CES5A: variants seen among roughly 807,000 people sequenced by gnomAD.
CES5A encodes carboxylesterase 5.
A neutral mutation model predicts 62.9 loss-of-function variants in CES5A; 67 were observed. The observed-to-expected ratio is 1.07, with a 90% CI of 0.88 to 1.31. The LOEUF (loss-of-function observed/expected upper bound fraction) is 1.31. Ranked by LOEUF, CES5A falls within the 50% of genes most tolerant of loss-of-function variation. CES5A has a pLI of 0.00. For synonymous variants in CES5A, 296 were observed against 280.8 expected (o/e 1.05, Z -0.54); for missense variants, 748 against 708.5 (o/e 1.06, Z -0.63).
chr16:55,879,785 G>T (rs1435323293), upstream of CES5A, among the ~76,000 whole-genome samples: 1 of 152,024 alleles, frequency 6.6e-6, no homozygotes, highest in Admixed American at 6.6e-5. Flanking sequence ...TAGAGATGGA[G>T]TCTCACTATG....
At chr16:55,891,470 G>A (rs917769256) in intron 1 of CES5A, among the ~76,000 whole-genome samples, 1 of 152,228 alleles carries the variant, frequency 6.6e-6, no homozygotes, top group Non-Finnish European at 1.5e-5. Context: ...GGAGACAAGA[G>A]ATGTCAATTA....
At chr16:55,860,197 C>A (rs1412362528) in intron 7 of CES5A, among the ~76,000 whole-genome samples, 1 of 152,138 alleles carries the variant, frequency 6.6e-6, no homozygotes, top group African/African-American at 2.4e-5. Flanking sequence ...CTTTGCTCTT[C>A]CTTCACCCTC....
chr16:55,940,084 G>A (rs1029150132), intron 2 of CES5A, among the ~76,000 whole-genome samples: 43 of 151,682 alleles, frequency 2.8e-4, no homozygotes, highest in Admixed American at 8.5e-4. Flanking sequence ...CTGAAAAAAA[G>A]AAAAATAAAG....
rs1157301508 is a variant in CES5A at position 55,871,700 on chromosome 16, T to A, written c.342A>T (p.Lys114Asn). 7.4e-6 allele frequency: 12 copies of A among 1,614,156 alleles called. No individual in the cohort carries two copies. The highest frequency in any genetic ancestry group is 3.4e-6 in the Non-Finnish European group (4 of 1,180,012). Reference protein sequence around the residue: ...DQHMLKVHYPKFGVSEDCLYL... With the variant: ...DQHMLKVHYPNFGVSEDCLYL... Reference sequence around the variant, plus strand: ...AGAGGCAGTCTTCTGACACTCCGAATTTCGGGTAATGCACCTTGAGCATAT... The same window carrying A: ...AGAGGCAGTCTTCTGACACTCCGAAATTCGGGTAATGCACCTTGAGCATAT... The change falls in exon 3 of 13, where the codon AAA becomes AAT. Residue 114 changes from lysine to asparagine, a missense_variant. Lys to Asn is a moderately conservative substitution (Grantham distance 94, BLOSUM62 0). Transcript: ENST00000290567.
intron 4 of CES5A, 178 bp downstream of exon 4, chr16:55,869,433 A>G (rs2033535878): frequency 8.3e-7 from 1 of 1,201,626 alleles, no homozygotes; most frequent in Non-Finnish European, 1.1e-6. Context: ...TATTGTTTCA[A>G]GCCACCAACA....
In CES5A at chr16:55,851,054, T is replaced by C. The variant is rs141952840; in HGVS notation, c.1274-1281A>G. Among the ~76,000 whole-genome samples the C allele has an allele frequency of 2.6e-3, 403 of 152,284 alleles. 4 individuals carry two copies. Among genetic ancestry groups the C allele is most frequent in the Middle Eastern group, 0.017 (5 of 294 alleles). On this transcript the variant is annotated intron_variant, in intron 10 of 12. Transcript: ENST00000290567. The stretch of plus-strand genomic sequence containing the variant: ...GTAAACCTCTTATAAGAAAATATAG[T>C]GGTAAATTTCCATACCCTTGAATTT...
intron 1 of CES5A, among the ~76,000 whole-genome samples, chr16:55,888,342 G>A (rs1227022469): frequency 6.6e-6 from 1 of 152,120 alleles, no homozygotes; most frequent in East Asian, 1.9e-4. Context: ...AGTCTACCTG[G>A]CCCATGCACA....
rs1302522302 is a variant in CES5A at position 55,859,620 on chromosome 16, G to A, written c.983C>T (p.Ser328Phe). ...AGGAATTGCTTTAAATGCTTTCTGA[G>A]ACAATAGATCTAGAGGCTCATTAGG... Reference protein sequence around the residue: ...FFPNEPLDLLSQKAFKAIPSI... With the variant: ...FFPNEPLDLLFQKAFKAIPSI... The change falls in exon 8 of 13, where the codon TCT becomes TTT. Residue 328 changes from serine to phenylalanine, a missense_variant. Ser to Phe is a radical substitution (Grantham distance 155). Coordinates refer to ENST00000290567, the MANE Select transcript of CES5A (RefSeq NM_001143685.2). The A allele has an allele frequency of 6.2e-7, 1 of 1,613,378 alleles. No individual in the cohort carries two copies. Among genetic ancestry groups the A allele is most frequent in the Non-Finnish European group, 8.5e-7 (1 of 1,179,700 alleles).
rs1483993618 is a variant in CES5A at position 55,866,669 on chromosome 16, A to C, written c.552-553T>G. Among the ~76,000 whole-genome samples the C allele has an allele frequency of 1.9e-3, 269 of 140,334 alleles. 6 individuals carry two copies. Among genetic ancestry groups the C allele is most frequent in the African/African-American group, 6.7e-3 (255 of 37,986 alleles). The allele number at this position is 140,334 out of a possible 152,430, so 92.1% of individuals were successfully genotyped here. On this transcript the variant is annotated intron_variant, in intron 4 of 12. Transcript: ENST00000290567. ...AACTCTGTCTCTGCTAAAAAAAAAA[A>C]AAAAAAAAATACAAAAAAATTAGCT...
chr16:55,869,850 C>A, intron 3 of CES5A, 106 bp from the exon 4 acceptor site: 2 of 1,431,632 alleles, frequency 1.4e-6, no homozygotes, highest in Non-Finnish European at 9.3e-7. Flanking sequence ...GTCCCACTTG[C>A]TAAGCAGGGT....
At chr16:55,909,985 C>G (rs1216550407) in intron 1 of CES5A, among the ~76,000 whole-genome samples, 7 of 152,166 alleles carry the variant, frequency 4.6e-5, no homozygotes, top group Non-Finnish European at 2.9e-5. Context: ...CATCCAGCCC[C>G]AGAGTTCACT....
In CES5A at chr16:55,936,543, C is replaced by T. The variant is rs978024284; in HGVS notation, c.160+13242G>A. 3.9e-5 allele frequency among the ~76,000 whole-genome samples: 6 copies of T among 152,322 alleles called. No homozygotes were observed. The East Asian group carries it at 1.2e-3, about 29-fold the overall frequency. On this transcript the variant is annotated intron_variant, in intron 2 of 13. Coordinates refer to the CES5A transcript ENST00000521992. Reference sequence around the variant, plus strand: ...TACACCGGGTTTCTCCAGCTGGCCACTAAGTCTGAGGGCCAGTTCTTAGTC... The same window carrying T: ...TACACCGGGTTTCTCCAGCTGGCCATTAAGTCTGAGGGCCAGTTCTTAGTC...
At chr16:55,873,261 T>C (rs1478758918) in intron 2 of CES5A, among the ~76,000 whole-genome samples, 2 of 152,100 alleles carry the variant, frequency 1.3e-5, no homozygotes, top group South Asian at 2.1e-4. Context: ...GCTCCTTACC[T>C]CCCAGAGTCC....
At chr16:55,885,183 C>T (rs1423704045) in intron 1 of CES5A, among the ~76,000 whole-genome samples, 1 of 152,064 alleles carries the variant, frequency 6.6e-6, no homozygotes, top group East Asian at 1.9e-4. Flanking sequence ...ATCATTGCAC[C>T]TCCTACAGCA....
At chr16:55,882,303 G>A (rs1179827375) in intron 1 of CES5A, among the ~76,000 whole-genome samples, 1 of 152,164 alleles carries the variant, frequency 6.6e-6, no homozygotes, top group Non-Finnish European at 1.5e-5. Flanking sequence ...GTCACTTGGT[G>A]TCCATGGTCC....
At chr16:55,887,024 G>A (rs1360120725) in intron 1 of CES5A, among the ~76,000 whole-genome samples, 4 of 152,154 alleles carry the variant, frequency 2.6e-5, no homozygotes, top group Non-Finnish European at 5.9e-5. Context: ...GATGTGCTAA[G>A]GAATGAACTT....
At chr16:55,949,756 C>T (rs1284887288) in intron 2 of CES5A, 1 of 1,205,734 alleles carries the variant, frequency 8.3e-7, no homozygotes, top group South Asian at 1.6e-5. Context: ...GCAGACCCAA[C>T]CCTGGTAAAT....
chr16:55,855,713 A>G (rs533525865), intron 9 of CES5A, among the ~76,000 whole-genome samples: 1 of 152,356 alleles, frequency 6.6e-6, no homozygotes, highest in East Asian at 1.9e-4. Flanking sequence ...TGATAGCCAC[A>G]AATCAGTCAA....
At position 55,942,413 on chromosome 16, in the gene CES5A, A is replaced by G. The variant is rs557614731; in HGVS notation, c.160+7372T>C. Among the ~76,000 whole-genome samples the G allele has an allele frequency of 6.6e-5, 10 of 152,362 alleles. No individual in the cohort carries two copies. In the East Asian group the frequency reaches 1.3e-3, roughly 21 times the overall value. ...CTTTTTTAAACTGGGCAAATAACTT[A>G]AAAGATACTTCACAGGGGAAGATAC... On this transcript the variant is annotated intron_variant, in intron 2 of 13. Coordinates refer to the CES5A transcript ENST00000521992.
Sources: gnomAD v4.1 joint callset for allele counts (sites outside exome capture counted in the v4.1 genomes callset) on GRCh38, gnomAD v4.1.1 for gene constraint, MANE v1.5 for transcripts, NCBI Gene and HGNC (gene_info 2026-07-23, HGNC 2026-07-21) for gene names.